Variants in AMPH observed in about 807,000 individuals in gnomAD.
AMPH encodes the protein amphiphysin.
AMPH carries 49 observed loss-of-function variants against 99.1 expected under a neutral mutation model. The ratio of observed to expected loss-of-function variants is 0.49; its 90% CI spans 0.39 to 0.63. AMPH has a LOEUF of 0.63. Ranked by LOEUF, AMPH falls within the 20% of genes least tolerant of loss-of-function variation. AMPH has a pLI of 0.00. For missense variants in AMPH, 759 were observed against 863.4 expected (o/e 0.88, Z 1.52); for synonymous variants, 314 against 317.3 (o/e 0.99, Z 0.11).
intron 11 of AMPH, among the ~76,000 whole-genome samples, chr7:38,452,275 A>C (rs898534938): frequency 6.6e-6 from 1 of 152,200 alleles, no homozygotes; most frequent in African/African-American, 2.4e-5. Flanking sequence ...CATTTAAAAA[A>C]ATTAAAATAA....
intron 11 of AMPH, among the ~76,000 whole-genome samples, chr7:38,439,285 A>C (rs1786412069): frequency 6.6e-6 from 1 of 152,206 alleles, no homozygotes; most frequent in Non-Finnish European, 1.5e-5. Context: ...CTAATACAAC[A>C]TGTGAATATG....
At position 38,572,406 on chromosome 7, in the gene AMPH, T is replaced by C. The variant is rs187664137; in HGVS notation, c.70-37395A>G. ...GTGCTACCATCTAGGTCTGCTTAAGTACAATCCATGATGCTCACACAACAA... is the reference window on the plus strand; with the variant it reads ...GTGCTACCATCTAGGTCTGCTTAAGCACAATCCATGATGCTCACACAACAA... On this transcript the variant is annotated intron_variant, in intron 1 of 20. Transcript: ENST00000356264. Among the ~76,000 whole-genome samples, 103 of 152,230 alleles carry C rather than the reference T, an allele frequency of 6.8e-4. 1 individual carries two copies. Among genetic ancestry groups the C allele is most frequent in the Middle Eastern group, 6.8e-3 (2 of 294 alleles).
At chr7:38,614,556 C>T (rs1584308304) in intron 1 of AMPH, among the ~76,000 whole-genome samples, 1 of 152,126 alleles carries the variant, frequency 6.6e-6, no homozygotes, top group Non-Finnish European at 1.5e-5. Flanking sequence ...GCACATGCAT[C>T]CAGGCTTTGC....
chr7:38,553,036 C>G (rs1791234239), intron 1 of AMPH, among the ~76,000 whole-genome samples: 1 of 152,158 alleles, frequency 6.6e-6, no homozygotes, highest in African/African-American at 2.4e-5. Flanking sequence ...GGAGAGGCAC[C>G]AGCAGGAGAG....
At chr7:38,454,771 A>G (rs745501888) in intron 11 of AMPH, among the ~76,000 whole-genome samples, 1 of 152,334 alleles carries the variant, frequency 6.6e-6, no homozygotes, top group Admixed American at 6.5e-5. Flanking sequence ...ATAATATATA[A>G]AGAGATGTTT....
At chr7:38,584,517 T>C (rs1792577026) in intron 1 of AMPH, among the ~76,000 whole-genome samples, 1 of 152,144 alleles carries the variant, frequency 6.6e-6, no homozygotes, top group African/African-American at 2.4e-5. Context: ...GACAATGCCG[T>C]CCATGAGGGG....
chr7:38,446,729 A>G (rs185884841), intron 11 of AMPH, among the ~76,000 whole-genome samples: 1 of 152,278 alleles, frequency 6.6e-6, no homozygotes, highest in East Asian at 1.9e-4. Context: ...GTATATACAT[A>G]TGTGCAAACT....
At chr7:38,512,133 C>T (rs551312144) in intron 2 of AMPH, among the ~76,000 whole-genome samples, 1 of 152,274 alleles carries the variant, frequency 6.6e-6, no homozygotes, top group Admixed American at 6.5e-5. Flanking sequence ...TAAAAAGACA[C>T]TTAAAAATAT....
intron 1 of AMPH, among the ~76,000 whole-genome samples, chr7:38,590,862 G>A (rs951054556): frequency 5.3e-5 from 8 of 152,168 alleles, no homozygotes; most frequent in Non-Finnish European, 1.2e-4. Flanking sequence ...GGCCATAGAT[G>A]CATGTGAAAG....
intron 17 of AMPH, among the ~76,000 whole-genome samples, chr7:38,405,239 T>C (rs1259642501): frequency 6.6e-6 from 1 of 152,216 alleles, no homozygotes; most frequent in Admixed American, 6.5e-5. Flanking sequence ...GGAAGGATGA[T>C]ACCACCATAA....
At position 38,548,541 on chromosome 7, in the gene AMPH, G is replaced by A. The variant is rs189976121; in HGVS notation, c.70-13530C>T. Among the ~76,000 whole-genome samples the A allele has an allele frequency of 5.7e-4, 86 of 152,148 alleles. 1 individual carries two copies. The highest frequency in any genetic ancestry group is 1.2e-3 in the Admixed American group (18 of 15,284). On this transcript the variant is annotated intron_variant, in intron 1 of 20. Coordinates refer to ENST00000356264, the MANE Select transcript of AMPH (RefSeq NM_001635.4). ...TAAAATGAAGTGGCATCATTCATCTGGGGTAATATCCAAGGTTCATTGTCC... is the reference window on the plus strand; with the variant it reads ...TAAAATGAAGTGGCATCATTCATCTAGGGTAATATCCAAGGTTCATTGTCC...
chr7:38,390,604 T>G (rs1240594547), intron 19 of AMPH, among the ~76,000 whole-genome samples: 1 of 152,190 alleles, frequency 6.6e-6, no homozygotes, highest in Non-Finnish European at 1.5e-5. Context: ...ATTTTGCCAT[T>G]GAGCATATTC....
rs147234401 is a variant in AMPH at position 38,534,939 on chromosome 7, G to T, written c.142C>A (p.Arg48=). ...QFEEYVQNFK[R]QEAEGTRLQR... is the part of the protein sequence containing the mutation. Reference sequence around the variant, plus strand: ...TAAACAAATGGACTCACTTCTTGCCGTTTGAAGTTCTGGACATATTCTTCG... The same window carrying T: ...TAAACAAATGGACTCACTTCTTGCCTTTTGAAGTTCTGGACATATTCTTCG... The change falls in exon 2 of 21, where the codon CGG becomes AGG. Residue 48 remains arginine, a synonymous_variant. Coordinates refer to ENST00000356264, the MANE Select transcript of AMPH (RefSeq NM_001635.4). The T allele has an allele frequency of 6.2e-7, 1 of 1,613,526 alleles. No homozygotes were observed. Among genetic ancestry groups the T allele is most frequent in the Non-Finnish European group, 8.5e-7 (1 of 1,179,750 alleles).
At chr7:38,439,512 G>A (rs1279993765) in intron 11 of AMPH, among the ~76,000 whole-genome samples, 2 of 152,184 alleles carry the variant, frequency 1.3e-5, no homozygotes, top group Non-Finnish European at 2.9e-5. Context: ...GGGCAGGAAC[G>A]TACTCACAAC....
chr7:38,431,993 T>C, intron 13 of AMPH, 196 bp downstream of exon 13: 1 of 684,358 alleles, frequency 1.5e-6, no homozygotes, highest in Non-Finnish European at 2.7e-6. Flanking sequence ...TCTGGTCCAC[T>C]GTACTCTTCC....
intron 7 of AMPH, among the ~76,000 whole-genome samples, chr7:38,471,717 A>C (rs1395103352): frequency 6.6e-6 from 1 of 152,200 alleles, no homozygotes; most frequent in Non-Finnish European, 1.5e-5. Flanking sequence ...GTGCACACAC[A>C]AATGATCCAA....
chr7:38,424,847 G>A (rs944177779), intron 15 of AMPH, among the ~76,000 whole-genome samples: 1 of 152,022 alleles, frequency 6.6e-6, no homozygotes, highest in Admixed American at 6.6e-5. Context: ...GATGAAAGAG[G>A]TAGGAGGAGG....
intron 1 of AMPH, among the ~76,000 whole-genome samples, chr7:38,592,807 C>T (rs956832161): frequency 2.4e-4 from 36 of 152,052 alleles, no homozygotes; most frequent in African/African-American, 7.7e-4. Context: ...CTGAGACTCC[C>T]TGCATCTCGG....
intron 1 of AMPH, among the ~76,000 whole-genome samples, chr7:38,585,211 T>A (rs1057361628): frequency 6.6e-6 from 1 of 152,178 alleles, no homozygotes; most frequent in African/African-American, 2.4e-5. Flanking sequence ...ATTTTTACAG[T>A]GAGGATTCTG....
Sources: allele counts gnomAD v4.1 joint callset (sites outside exome capture counted in the v4.1 genomes callset), GRCh38; gene constraint gnomAD v4.1.1; transcripts MANE v1.5; gene names NCBI Gene and HGNC (gene_info 2026-07-23, HGNC 2026-07-21).